The following ZSWIM8 variants were observed in gnomAD, a reference collection of about 807,000 sequenced individuals.
ZSWIM8 encodes zinc finger SWIM domain-containing protein 8.
In ZSWIM8, 27 loss-of-function variants were observed where a neutral mutation model predicts 173.7. That is an observed-to-expected ratio of 0.16 (90% CI 0.11 to 0.21). The LOEUF is 0.21. Ranked by LOEUF, ZSWIM8 falls within the 10% of genes least tolerant of loss-of-function variation. ZSWIM8 has a pLI of 1.00. For synonymous variants in ZSWIM8, 958 were observed against 962.0 expected, an observed-to-expected ratio of 1.00 and a Z score of 0.08; for missense variants, 1,627 against 2,428.8, an observed-to-expected ratio of 0.67 and a Z score of 6.94.
chr10:73,794,350 AGT>A lies in ZSWIM8; in HGVS notation c.2809+21_2809+22del. On this transcript the variant is annotated intron_variant, in intron 13 of 25. Transcript: ENST00000604729. ...CTCCAGGTATGATGCCTGACCCTAC[AGT>A]AAGTGGGGAACTGGGGTAGGGGTAG... 1 of 1,610,874 alleles carries A rather than the reference AGT, an allele frequency of 6.2e-7. No homozygotes were observed. Among genetic ancestry groups the A allele is most frequent in the South Asian group, 1.1e-5 (1 of 90,760 alleles).
rs947614731 is a variant in ZSWIM8, at chr10:73,790,253, C to T, written c.902C>T (p.Thr301Ile). The change falls in exon 7 of 26, where the codon ACA becomes ATA. Residue 301 changes from threonine to isoleucine, a missense_variant. Transcript: ENST00000604729. ...ACACTCACTGACAACATCAAAAAGA[C>T]ACTGCACAAGTTCTGTGGCCCCTCC... ...ESTLTDNIKKTLHKFCGPSPV... is the reference protein window; with the variant it reads ...ESTLTDNIKKILHKFCGPSPV... The T allele has an allele frequency of 6.2e-7, 1 of 1,613,536 alleles. No homozygotes were observed. Among genetic ancestry groups the T allele is most frequent in the Admixed American group, 1.7e-5 (1 of 59,956 alleles).
In ZSWIM8 at chr10:73,793,967, C is replaced by A. The variant is rs367727796; in HGVS notation, c.2548C>A (p.His850Asn). ...GACAGTGCTAAGTGAGCGTCCAGAG[C>A]ACCACAACCTGGCCTTCCGAGTTGG... Reference protein sequence around the residue: ...LLTVLSERPEHHNLAFRVGMF... With the variant: ...LLTVLSERPENHNLAFRVGMF... Residue 850 changes from histidine (H) to asparagine (N), a missense_variant, in exon 12 of 26, where the codon CAC (histidine) becomes AAC (asparagine). Around this residue, in one of 18 missense-constraint regions of ZSWIM8, gnomAD observed 169 missense variants for 235.3 expected, o/e 0.72. Coordinates refer to ENST00000604729, the MANE Select transcript of ZSWIM8 (RefSeq NM_001367799.1). 128 of 1,613,360 alleles carry A rather than the reference C, an allele frequency of 7.9e-5. No homozygotes were observed. The highest frequency in any genetic ancestry group is 1.6e-4 in the Middle Eastern group (1 of 6,084).
In ZSWIM8 at chr10:73,785,865, G is replaced by T. The variant is rs368628701; in HGVS notation, c.-14G>T. ...TCCGCGGGGGGGGACCCGGCCCCGG[G>T]GGGTGCGGGCCCCATGGAGCTGATG... On this transcript the variant is annotated 5_prime_UTR_variant, in exon 1 of 26. Coordinates refer to ENST00000604729, the MANE Select transcript of ZSWIM8 (RefSeq NM_001367799.1). 225 of 1,491,306 alleles carry T rather than the reference G, an allele frequency of 1.5e-4. 2 individuals carry two copies. The South Asian group carries it at 2.8e-3, about 19-fold the overall frequency. The allele number at this position is 1,491,306 out of a possible 1,614,324, so 92.4% of individuals were successfully genotyped here.
Position 73,797,964 on chromosome 10 carries a change from G to C in ZSWIM8, c.3846G>C (p.Leu1282=), listed in dbSNP as rs1565085212. The C allele has an allele frequency of 6.2e-7, 1 of 1,613,994 alleles. No individual in the cohort carries two copies. Among genetic ancestry groups the C allele is most frequent in the Admixed American group, 1.7e-5 (1 of 60,020 alleles). The part of the protein sequence containing the change: ...SGGHQGPHRN[L]HLCAFEIGLY... ...GCCACCAGGGTCCTCACCGCAACCT[G>C]CACCTTTGCGCCTTCGAGATTGGGC... Residue 1282 remains leucine, a synonymous_variant, in exon 19 of 26, where the codon CTG becomes CTC. Coordinates refer to ENST00000604729, the MANE Select transcript of ZSWIM8 (RefSeq NM_001367799.1). The surrounding 1 kb of genome is among the most constrained non-coding windows in gnomAD (Gnocchi z 5.6).
At position 73,786,985 on chromosome 10, in the gene ZSWIM8, C is replaced by T. The variant is rs190283553; in HGVS notation, c.208+899C>T. 4.9e-4 allele frequency among the ~76,000 whole-genome samples: 75 copies of T among 151,518 alleles called. 1 individual carries two copies. Among genetic ancestry groups the T allele is most frequent in the African/African-American group, 1.4e-3 (57 of 41,266 alleles). Reference sequence around the variant, plus strand: ...TGAGACGGAGTTTTGCTCTTGTTGCCCAGGCTGGAGTGCAATGGCACGATC... The same window carrying T: ...TGAGACGGAGTTTTGCTCTTGTTGCTCAGGCTGGAGTGCAATGGCACGATC... On this transcript the variant is annotated intron_variant, in intron 1 of 25. Coordinates refer to ENST00000604729, the MANE Select transcript of ZSWIM8 (RefSeq NM_001367799.1).
At position 73,789,737 on chromosome 10, in the gene ZSWIM8, A is replaced by T; in HGVS notation, c.651A>T (p.Arg217=). 1 of 1,607,136 alleles carries T rather than the reference A, an allele frequency of 6.2e-7. No individual in the cohort carries two copies. Among genetic ancestry groups the T allele is most frequent in the Non-Finnish European group, 8.5e-7 (1 of 1,176,946 alleles). ...TTCAGGCTTCTGCAGTCTGCCTGCG[A>T]GCCCCAGTCTCAGAGTCCCTGTCCC... ...RIHNASAVCL[R]APVSESLSRL... is the part of the protein sequence containing the mutation. The change falls in exon 5 of 26, where the codon CGA becomes CGT. Residue 217 remains arginine, a synonymous_variant. Transcript: ENST00000604729. This position sits in a 1 kb window ranked among gnomAD's most constrained non-coding sequence, Gnocchi z 6.8.
At position 73,791,672 on chromosome 10, in the gene ZSWIM8, A is replaced by G. The variant is rs2132689907; in HGVS notation, c.1319+173A>G. 6.6e-6 allele frequency among the ~76,000 whole-genome samples: 1 copy of G among 152,250 alleles called. No individual in the cohort carries two copies. Among genetic ancestry groups the G allele is most frequent in the African/African-American group, 2.4e-5 (1 of 41,542 alleles). Reference sequence around the variant, plus strand: ...CGAGTCCTTTTTCTGAGAGGCTTTCATCCTTCCTTCCCCTAAATAACACCC... The same window carrying G: ...CGAGTCCTTTTTCTGAGAGGCTTTCGTCCTTCCTTCCCCTAAATAACACCC... On this transcript the variant is annotated intron_variant, in intron 9 of 25. Transcript: ENST00000604729. The surrounding 1 kb of genome is among the most constrained non-coding windows in gnomAD (Gnocchi z 6.0).
Position 73,800,714 on chromosome 10 carries a change from T to C in ZSWIM8, c.5077T>C (p.Tyr1693His). 1 of 1,612,638 alleles carries C rather than the reference T, an allele frequency of 6.2e-7. No homozygotes were observed. The highest frequency in any genetic ancestry group is 8.5e-7 in the Non-Finnish European group (1 of 1,179,344). ...CAACAACTTCTCCCGCTCCCCCCCC[T>C]ACACTGATGATGTCAAATGGTTGCT... ...HPNNFSRSPP[Y>H]TDDVKWLLGL... The change falls in exon 24 of 26, where the codon TAC becomes CAC. Residue 1693 changes from tyrosine (Y) to histidine (H), a missense_variant. Tyr to His is a moderately conservative substitution (Grantham distance 83). Transcript: ENST00000604729. The surrounding 1 kb of genome is among the most constrained non-coding windows in gnomAD (Gnocchi z 4.1).
rs555934794 is a variant in ZSWIM8, at chr10:73,792,519, T to C, written c.1980T>C (p.Leu660=). 6.2e-7 allele frequency: 1 copy of C among 1,613,844 alleles called. No homozygotes were observed. The highest frequency in any genetic ancestry group is 1.1e-5 in the South Asian group (1 of 91,064). ...HGGSRGPSTF[L]PEPPDTYEED... ...GCTCCCGAGGCCCTTCCACTTTCCT[T>C]CCTGAGCCCCCAGATACTTATGAAG... The change falls in exon 10 of 26, where the codon CTT becomes CTC. Residue 660 remains leucine, a synonymous_variant. Coordinates refer to ENST00000604729, the MANE Select transcript of ZSWIM8 (RefSeq NM_001367799.1). The surrounding 1 kb of genome is among the most constrained non-coding windows in gnomAD (Gnocchi z 4.3).
At chr10:73,796,056 G>A (rs2083636706) in intron 15 of ZSWIM8, among the ~76,000 whole-genome samples, 1 of 149,892 alleles carries the variant, frequency 6.7e-6, no homozygotes, top group African/African-American at 2.5e-5. Flanking sequence ...GGAGTTTCCA[G>A]TACAATGAGA....
rs1473907413 is a variant in ZSWIM8 at position 73,799,388 on chromosome 10, C to T, written c.4563C>T (p.Pro1521=). 1 of 1,612,040 alleles carries T rather than the reference C, an allele frequency of 6.2e-7. No individual in the cohort carries two copies. Among genetic ancestry groups the T allele is most frequent in the East Asian group, 2.2e-5 (1 of 44,776 alleles). Residue 1521 remains proline, a synonymous_variant, in exon 21 of 26, where the codon CCC becomes CCT. Coordinates refer to ENST00000604729, the MANE Select transcript of ZSWIM8 (RefSeq NM_001367799.1). ...ACACTGCTCTACAGCCCCACCTGCC[C>T]TGTAGCCCTCAGTATCTCACTCACC... The part of the protein sequence containing the change: ...HPYTALQPHL[P]CSPQYLTHPA...
rs773559391 is a variant in ZSWIM8, at chr10:73,793,855, C to T, written c.2446-10C>T. On this transcript the variant is annotated splice_polypyrimidine_tract_variant and intron_variant, in intron 11 of 25. Transcript: ENST00000604729. ...CATCTGCCTGTCTCCTGTGTTTCTT[C>T]CCTTTCTAGGGCAAGAAGAACAAGG... The T allele has an allele frequency of 1.9e-6, 3 of 1,593,474 alleles. No individual in the cohort carries two copies. Among genetic ancestry groups the T allele is most frequent in the Admixed American group, 1.7e-5 (1 of 57,978 alleles).
In ZSWIM8 at chr10:73,799,112, T is replaced by C; in HGVS notation, c.4287T>C (p.Tyr1429=). ...FEVAHQWFWL[Y]EQTAGGSSTA... ...TTGCTCACCAGTGGTTCTGGCTGTA[T>C]GAGCAAACTGCAGGTGGCTCATCCA... Residue 1429 remains tyrosine (Y), a synonymous_variant, in exon 21 of 26, where the codon TAT becomes TAC. Transcript: ENST00000604729. 1 of 1,613,716 alleles carries C rather than the reference T, an allele frequency of 6.2e-7. No individual in the cohort carries two copies. Among genetic ancestry groups the C allele is most frequent in the Non-Finnish European group, 8.5e-7 (1 of 1,179,766 alleles).
Position 73,791,194 on chromosome 10 carries a change from G to A in ZSWIM8, c.1143+18G>A, listed in dbSNP as rs1169517261. On this transcript the variant is annotated intron_variant, in intron 8 of 25. Coordinates refer to ENST00000604729, the MANE Select transcript of ZSWIM8 (RefSeq NM_001367799.1). The surrounding 1 kb of genome is among the most constrained non-coding windows in gnomAD (Gnocchi z 6.0). ...ATGAACAGGTAATCACTCAGCGTTG[G>A]GGAGCCCCGTGGTAGCTCATTCTTT... The A allele has an allele frequency of 6.3e-7, 1 of 1,582,936 alleles. No individual in the cohort carries two copies. Among genetic ancestry groups the A allele is most frequent in the Non-Finnish European group, 8.6e-7 (1 of 1,158,824 alleles).
chr10:73,794,701 T>TGCCTTGTTGTGAAGGGCATACA, intron 14 of ZSWIM8, 62 bp downstream of exon 14: 1 of 1,410,930 alleles, frequency 7.1e-7, no homozygotes. Flanking sequence ...ATGAGACCTG[T>TGCCTTGTTGTGAAGGGCATACA]GCCTTGTTGT....
rs776740625 is a variant in ZSWIM8 at position 73,792,038 on chromosome 10, C to T, written c.1499C>T (p.Thr500Ile). ...CTTCCTGGTGTCACCTACAGCGGCA[C>T]TGACAGGAAGCTGGCACTGTGCTGG... The part of the protein sequence containing the change: ...YPLPGVTYSG[T>I]DRKLALCWAR... The change falls in exon 10 of 26, where the codon ACT becomes ATT. Residue 500 changes from threonine (T) to isoleucine (I), a missense_variant. Physicochemically the swap from Thr to Ile is moderately conservative, Grantham distance 89. Coordinates refer to ENST00000604729, the MANE Select transcript of ZSWIM8 (RefSeq NM_001367799.1). This position sits in a 1 kb window ranked among gnomAD's most constrained non-coding sequence, Gnocchi z 4.3. The T allele has an allele frequency of 2.1e-5, 32 of 1,548,062 alleles. No individual in the cohort carries two copies. In the Admixed American group the frequency reaches 2.9e-4, roughly 14 times the overall value.
chr10:73,788,901 G>A, intron 2 of ZSWIM8, 78 bp downstream of exon 2: 2 of 1,573,270 alleles, frequency 1.3e-6, no homozygotes, highest in Non-Finnish European at 1.7e-6. Flanking sequence ...TAGAACAAAG[G>A]AGACATTGTA....
In ZSWIM8 at chr10:73,788,616, G is replaced by A; in HGVS notation, c.209-54G>A. 5 of 1,596,098 alleles carry A rather than the reference G, an allele frequency of 3.1e-6. No individual in the cohort carries two copies. The South Asian group carries it at 5.6e-5, about 18-fold the overall frequency. ...ACTGGCATGAGTGCCAAGAGACCAT[G>A]GCCCTTTTCATTTCCTATTCTCTTT... On this transcript the variant is annotated intron_variant, in intron 1 of 25. Coordinates refer to ENST00000604729, the MANE Select transcript of ZSWIM8 (RefSeq NM_001367799.1).
Position 73,796,943 on chromosome 10 carries a change from C to T in ZSWIM8, c.3203C>T (p.Pro1068Leu). Residue 1068 changes from proline to leucine, a missense_variant, in exon 16 of 26, where the codon CCT (proline) becomes CTT (leucine). Around this residue, in one of 18 missense-constraint regions of ZSWIM8, gnomAD observed 163 missense variants for 193.2 expected, o/e 0.84. Transcript: ENST00000604729. The stretch of plus-strand genomic sequence containing the variant: ...CCACTGACCTCAGGCTCTGCAGGGC[C>T]TGCTCAACCAGGGAGTGTGGCAGGG... ...LQPLTSGSAG[P>L]AQPGSVAGAG... is the part of the protein sequence containing the mutation. 6.2e-7 allele frequency: 1 copy of T among 1,614,038 alleles called. No homozygotes were observed. Among genetic ancestry groups the T allele is most frequent in the South Asian group, 1.1e-5 (1 of 91,084 alleles).
Sources: gnomAD v4.1 joint callset for allele counts (sites outside exome capture counted in the v4.1 genomes callset) on GRCh38, gnomAD v4.1.1 for gene constraint, gnomAD v4.1.1 regional missense constraint, Gnocchi (gnomAD v3.1) non-coding constraint, MANE v1.5 for transcripts, NCBI Gene and HGNC (gene_info 2026-07-23, HGNC 2026-07-21) for gene names.